PDE4D: variants seen among roughly 807,000 people sequenced by gnomAD.
The protein encoded by PDE4D is 3',5'-cyclic-AMP phosphodiesterase 4D.
PDE4D carries 24 observed loss-of-function variants against 87.4 expected under a neutral mutation model. That is an observed-to-expected ratio of 0.27 (90% CI 0.20 to 0.39). The LOEUF (loss-of-function observed/expected upper bound fraction) is 0.39. Among genes scored for constraint, PDE4D ranks in the 10% least tolerant of loss-of-function variants. The probability of loss-of-function intolerance (pLI) is 1.00; values close to 1 mark genes in which losing one functional copy is unlikely to be tolerated. For missense variants in PDE4D, 714 were observed against 1,041.0 expected (o/e 0.69, Z 4.32); for synonymous variants, 384 against 383.2 (o/e 1.00, Z -0.02).
chr5:59,294,922 GTTT>G (rs1213806674), intron 1 of PDE4D, among the ~76,000 whole-genome samples: 1 of 152,192 alleles, frequency 6.6e-6, no homozygotes, highest in Non-Finnish European at 1.5e-5. Context: ...GCCATTAAGA[GTTT>G]AAAAGAGACT....
intron 5 of PDE4D, among the ~76,000 whole-genome samples, chr5:59,074,339 C>T (rs1475119193): frequency 6.6e-6 from 1 of 151,886 alleles, no homozygotes; most frequent in Admixed American, 6.6e-5. Context: ...TTGTGCAGAG[C>T]CCTAGACTAG....
intron 1 of PDE4D, among the ~76,000 whole-genome samples, chr5:59,423,197 G>A (rs1794723704): frequency 6.6e-6 from 1 of 152,094 alleles, no homozygotes. Context: ...GTGGTTCTCA[G>A]CAGAGTATGT....
At chr5:60,097,265 TTG>T (rs57591657) in intron 2 of PDE4D, among the ~76,000 whole-genome samples, 3,724 of 146,244 alleles carry the variant, frequency 0.025, 156 homozygotes, top group African/African-American at 0.081. Context: ...TGCTATGAAG[TTG>T]TGTGTGTGTG....
chr5:59,474,854 A>G (rs956368155), intron 1 of PDE4D, among the ~76,000 whole-genome samples: 1 of 152,138 alleles, frequency 6.6e-6, no homozygotes, highest in Non-Finnish European at 1.5e-5. Context: ...ATTAAATTCA[A>G]AAATGAAAAC....
At chr5:59,282,406 C>T (rs937794561) in intron 1 of PDE4D, among the ~76,000 whole-genome samples, 3 of 151,680 alleles carry the variant, frequency 2.0e-5, no homozygotes, top group Non-Finnish European at 2.9e-5. Context: ...TTTGGGAGGC[C>T]GAGACGGGTG....
intron 6 of PDE4D, among the ~76,000 whole-genome samples, chr5:59,014,337 G>A (rs1231819111): frequency 6.6e-6 from 1 of 152,100 alleles, no homozygotes; most frequent in Non-Finnish European, 1.5e-5. Context: ...TATTCAATTA[G>A]GAAAAGAGGA....
chr5:59,186,707 C>T (rs1743000163), intron 3 of PDE4D, among the ~76,000 whole-genome samples: 1 of 152,012 alleles, frequency 6.6e-6, no homozygotes, highest in South Asian at 2.1e-4. Flanking sequence ...AGAATTTTCC[C>T]CTAAAGGAGT....
chr5:59,846,532 T>C (rs1208672899), intron 1 of PDE4D, among the ~76,000 whole-genome samples: 1 of 152,052 alleles, frequency 6.6e-6, no homozygotes, highest in Non-Finnish European at 1.5e-5. Context: ...TTGATACAGG[T>C]AGTTTAGCTC....
At chr5:59,033,099 A>C (rs1374378207) in intron 6 of PDE4D, among the ~76,000 whole-genome samples, 1 of 152,184 alleles carries the variant, frequency 6.6e-6, no homozygotes, top group Non-Finnish European at 1.5e-5. Flanking sequence ...TGAATACTAA[A>C]TAATAATAAT....
At chr5:59,099,145 C>T (rs1770297520) in intron 5 of PDE4D, among the ~76,000 whole-genome samples, 1 of 152,200 alleles carries the variant, frequency 6.6e-6, no homozygotes, top group South Asian at 2.1e-4. Context: ...GTCTTTGTCA[C>T]ACCATAGAAT....
chr5:59,038,591 T>G (rs1758978772), intron 6 of PDE4D, among the ~76,000 whole-genome samples: 1 of 152,194 alleles, frequency 6.6e-6, no homozygotes, highest in Non-Finnish European at 1.5e-5. Context: ...GGGTTTCTGC[T>G]GCAAGGGCTC....
intron 2 of PDE4D, among the ~76,000 whole-genome samples, chr5:60,093,576 G>A (rs1464551676): frequency 6.6e-6 from 1 of 152,130 alleles, no homozygotes; most frequent in African/African-American, 2.4e-5. Context: ...GCTGACTGTT[G>A]CCTTACCCCC....
At chr5:59,390,096 C>T (rs1454397356) in intron 1 of PDE4D, among the ~76,000 whole-genome samples, 7 of 152,008 alleles carry the variant, frequency 4.6e-5, no homozygotes, top group Admixed American at 4.6e-4. Flanking sequence ...CAAAATATCA[C>T]ATGTACCTCC....
intron 1 of PDE4D, among the ~76,000 whole-genome samples, chr5:60,202,633 G>A (rs1402522097): frequency 1.3e-5 from 2 of 151,776 alleles, no homozygotes; most frequent in African/African-American, 4.8e-5. Context: ...AGTAGAGAGA[G>A]AGAAAATAAT....
At chr5:59,937,542 T>G (rs963984344) in intron 3 of PDE4D, among the ~76,000 whole-genome samples, 1 of 152,328 alleles carries the variant, frequency 6.6e-6, no homozygotes, top group South Asian at 2.1e-4. Flanking sequence ...AGTTTGCAGA[T>G]AGCTACCTTC....
At position 60,330,094 on chromosome 5, in the gene PDE4D, C is replaced by T. The variant is rs533797206; in HGVS notation, c.-89-144407G>A. Among the ~76,000 whole-genome samples, 19 of 152,174 alleles carry T rather than the reference C, an allele frequency of 1.2e-4. No individual in the cohort carries two copies. In the East Asian group the frequency reaches 3.3e-3, roughly 26 times the overall value. On this transcript the variant is annotated intron_variant, in intron 1 of 16. Transcript: ENST00000502484. ...AGTGACTACACTCTTGGTGAGTCTC[C>T]AAGCAGGTAGATACAATTACAGTAT...
At chr5:60,394,771 T>C (rs756990630) in intron 1 of PDE4D, among the ~76,000 whole-genome samples, 5 of 152,206 alleles carry the variant, frequency 3.3e-5, no homozygotes, top group Non-Finnish European at 7.3e-5. Flanking sequence ...GTCTTGTCTA[T>C]TTACATATGT....
intron 1 of PDE4D, among the ~76,000 whole-genome samples, chr5:59,623,744 C>G (rs1471118925): frequency 6.6e-6 from 1 of 152,122 alleles, no homozygotes; most frequent in Non-Finnish European, 1.5e-5. Context: ...ACTAGATGTT[C>G]AATGAATCGT....
intron 1 of PDE4D, among the ~76,000 whole-genome samples, chr5:60,360,224 T>G (rs552482700): frequency 6.6e-6 from 1 of 152,220 alleles, no homozygotes; most frequent in Non-Finnish European, 1.5e-5. Context: ...TGAAGTCATG[T>G]ACCAAAAACA....
Sources: allele counts gnomAD v4.1 joint callset (sites outside exome capture counted in the v4.1 genomes callset), GRCh38; gene constraint gnomAD v4.1.1; transcripts MANE v1.5; gene names NCBI Gene and HGNC (gene_info 2026-07-23, HGNC 2026-07-21).